Variants in SRRM1 observed in about 807,000 individuals in gnomAD.
SRRM1 encodes the protein serine and arginine repetitive matrix 1.
Under a neutral mutation model 110.2 loss-of-function variants are expected in SRRM1, and 19 were observed. The observed-to-expected ratio is 0.17, with a 90% CI of 0.12 to 0.25. The LOEUF (loss-of-function observed/expected upper bound fraction) is 0.25, where lower values mean the gene tolerates loss of function less well. SRRM1 is among the 10% of genes least tolerant of loss of function. SRRM1 has a pLI of 1.00. For missense variants in SRRM1, 918 were observed against 1,145.8 expected (o/e 0.80, Z 2.87); for synonymous variants, 443 against 414.9 (o/e 1.07, Z -0.82).
At chr1:24,670,959 A>G (rs1672424574) in intron 15 of SRRM1, among the ~76,000 whole-genome samples, 1 of 152,238 alleles carries the variant, frequency 6.6e-6, no homozygotes, top group Non-Finnish European at 1.5e-5. Flanking sequence ...TGGTAGCTAG[A>G]GACATGGCAT....
At chr1:24,658,794 A>T (rs16829900) in intron 9 of SRRM1, among the ~76,000 whole-genome samples, 5,160 of 152,330 alleles carry the variant, frequency 0.034, 136 homozygotes, top group Middle Eastern at 0.11. Context: ...ATAAGTATTA[A>T]GTATAGTTTG....
At chr1:24,649,103 A>G (rs981662798) in intron 4 of SRRM1, 74 bp downstream of exon 4, 18 of 1,363,914 alleles carry the variant, frequency 1.3e-5, no homozygotes, top group Admixed American at 6.1e-5. Flanking sequence ...TAGGTAGTAT[A>G]TGACTCAGCT....
intron 9 of SRRM1, among the ~76,000 whole-genome samples, chr1:24,660,233 G>A (rs894439508): frequency 2.6e-5 from 4 of 152,138 alleles, no homozygotes; most frequent in Admixed American, 2.6e-4. Flanking sequence ...TGTGGAGCTC[G>A]TGTAGCACAC....
At chr1:24,660,184 AG>A (rs760989765) in intron 9 of SRRM1, among the ~76,000 whole-genome samples, 24 of 152,264 alleles carry the variant, frequency 1.6e-4, no homozygotes, top group Non-Finnish European at 1.3e-4. Flanking sequence ...GTTGAGTGTG[AG>A]GGAGTGAGTG....
rs111574171 is a variant in SRRM1, at chr1:24,660,838, G to C, written c.1396+39G>C. On this transcript the variant is annotated intron_variant, in intron 10 of 16. Transcript: ENST00000323848. ...TTTTTTTTGTGATTTTGGTTTGTTT[G>C]TTTTTGTTTTTCTTAAAGCTGATTT... 1.3e-4 allele frequency: 184 copies of C among 1,442,404 alleles called. No homozygotes were observed. In the African/African-American group the frequency reaches 2.3e-3, roughly 18 times the overall value. 89.4% of individuals were successfully genotyped at this position (1,442,404 alleles called of 1,614,324 possible).
At chr1:24,646,542 TAGC>T (rs1243449659) in intron 2 of SRRM1, 122 bp from the exon 3 acceptor site, 8 of 711,330 alleles carry the variant, frequency 1.1e-5, no homozygotes, top group Non-Finnish European at 1.5e-5. Context: ...AAAAAAAAAT[TAGC>T]AGATTCTACT....
At chr1:24,669,913 TAACAG>T (rs1274318958) in intron 14 of SRRM1, 5 of 573,970 alleles carry the variant, frequency 8.7e-6, no homozygotes, top group Middle Eastern at 2.8e-4. Flanking sequence ...GAAGCATCAT[TAACAG>T]AATAGATAGA....
intron 12 of SRRM1, among the ~76,000 whole-genome samples, chr1:24,665,488 T>C (rs901246622): frequency 8.1e-5 from 12 of 148,024 alleles, no homozygotes; most frequent in African/African-American, 2.7e-4. Flanking sequence ...CCGAGGCGGG[T>C]GGTTCACGAG....
chr1:24,645,930 AAAGT>A, intron 1 of SRRM1, 50 bp from the exon 2 acceptor site: 2 of 1,488,658 alleles, frequency 1.3e-6, no homozygotes, highest in Non-Finnish European at 1.9e-6. Context: ...TAGGTGATAA[AAAGT>A]AAGGATTTAA....
intron 6 of SRRM1, 67 bp from the exon 7 acceptor site, chr1:24,652,367 T>C (rs1661459556): frequency 8.9e-7 from 1 of 1,125,568 alleles, no homozygotes; most frequent in African/African-American, 1.6e-5. Flanking sequence ...ATTACATCAT[T>C]GTGTAATGAT....
intron 14 of SRRM1, 76 bp from the exon 15 acceptor site, chr1:24,670,044 C>A: frequency 7.9e-7 from 1 of 1,273,282 alleles, no homozygotes; most frequent in Non-Finnish European, 1.1e-6. Flanking sequence ...CCTGGTTGTA[C>A]AGTGTAGTTG....
intron 13 of SRRM1, among the ~76,000 whole-genome samples, chr1:24,667,634 A>G (rs1215173471): frequency 6.6e-6 from 1 of 152,236 alleles, no homozygotes; most frequent in Non-Finnish European, 1.5e-5. Context: ...AAAGACAATG[A>G]CAGAAACAGT....
chr1:24,658,919 C>T (rs904035534), intron 9 of SRRM1, among the ~76,000 whole-genome samples: 11 of 152,168 alleles, frequency 7.2e-5, no homozygotes, highest in African/African-American at 1.2e-4. Context: ...AGTCGCTGGG[C>T]GCGGTGGCTC....
chr1:24,655,316 A>G (rs1663412407), intron 9 of SRRM1, among the ~76,000 whole-genome samples, 187 bp downstream of exon 9: 1 of 152,222 alleles, frequency 6.6e-6, no homozygotes, highest in South Asian at 2.1e-4. Flanking sequence ...TTTTATGTGT[A>G]AAAGGGTTTT....
At chr1:24,651,344 C>A in intron 5 of SRRM1, 65 bp from the exon 6 acceptor site, 1 of 1,308,232 alleles carries the variant, frequency 7.6e-7, no homozygotes, top group Non-Finnish European at 1.1e-6. Flanking sequence ...CCTCACTTCT[C>A]CCTTTGACTC....
chr1:24,649,383 G>A (rs112626341), intron 4 of SRRM1, among the ~76,000 whole-genome samples: 117 of 152,280 alleles, frequency 7.7e-4, no homozygotes, highest in African/African-American at 2.6e-3. Context: ...CAGTGGTGTG[G>A]TCTCTGCTCA....
chr1:24,650,913 C>T (rs1449253891), intron 5 of SRRM1, among the ~76,000 whole-genome samples: 1 of 152,080 alleles, frequency 6.6e-6, no homozygotes, highest in Non-Finnish European at 1.5e-5. Flanking sequence ...CTTCTCCTCT[C>T]GCAAAAAAGC....
intron 8 of SRRM1, among the ~76,000 whole-genome samples, chr1:24,654,140 A>G (rs952896417): frequency 6.6e-6 from 1 of 152,184 alleles, no homozygotes; most frequent in African/African-American, 2.4e-5. Flanking sequence ...GGTGCTTCCT[A>G]GTACAAGATT....
intron 10 of SRRM1, 24 bp from the exon 11 acceptor site, chr1:24,661,286 T>C (rs769216688): frequency 6.3e-7 from 1 of 1,593,224 alleles, no homozygotes; most frequent in Non-Finnish European, 8.6e-7. Context: ...AAAGAAACAC[T>C]TTCTAAATGC....
Sources: allele counts gnomAD v4.1 joint callset (sites outside exome capture counted in the v4.1 genomes callset), GRCh38; gene constraint gnomAD v4.1.1; transcripts MANE v1.5; gene names NCBI Gene and HGNC (gene_info 2026-07-23, HGNC 2026-07-21).